Variants in OBP2B observed in about 807,000 individuals in gnomAD.
The protein encoded by OBP2B is odorant-binding protein 2b.
OBP2B carries 10 observed loss-of-function variants against 21.7 expected under a neutral mutation model. That is an observed-to-expected ratio of 0.46 (90% CI 0.28 to 0.78). OBP2B has a LOEUF of 0.78. Ranked by LOEUF, OBP2B falls within the 30% of genes least tolerant of loss-of-function variation. OBP2B has a pLI of 0.11. For missense variants in OBP2B, 153 were observed against 217.7 expected (o/e 0.70, Z 1.87); for synonymous variants, 73 against 91.5 (o/e 0.80, Z 1.16).
intron 2 of OBP2B, 41 bp from the exon 3 acceptor site, chr9:133,208,244 C>T: frequency 6.2e-7 from 1 of 1,610,744 alleles, no homozygotes; most frequent in Non-Finnish European, 8.5e-7. Context: ...TCCCAGGACA[C>T]CCATGGCCCA....
At chr9:133,207,100 G>A (rs1211375079) in intron 4 of OBP2B, 126 bp downstream of exon 4, 7 of 694,900 alleles carry the variant, frequency 1.0e-5, no homozygotes, top group African/African-American at 3.6e-5. Context: ...AGCGGTGCCC[G>A]GCACATGAAA....
chr9:133,220,013 G>T, the OBP2B span, among the ~76,000 whole-genome samples: 1 of 152,170 alleles, frequency 6.6e-6, no homozygotes, highest in African/African-American at 2.4e-5. Flanking sequence ...AAGAAACCAG[G>T]CATAAGAAAC....
intron 4 of OBP2B, 47 bp downstream of exon 4, chr9:133,207,179 G>T: frequency 7.6e-7 from 1 of 1,312,238 alleles, no homozygotes; most frequent in Non-Finnish European, 1.1e-6. Context: ...GGCTTCCAGA[G>T]GCAGAGACCG....
rs1306385101 is a variant in OBP2B, at chr9:133,209,203, C to T, written c.-4G>A. Reference sequence around the variant, plus strand: ...CACCCAGGAACAGGGTCTTCATCTCCAGAGCTCTGTGCTGCCGACCTCGGC... The same window carrying T: ...CACCCAGGAACAGGGTCTTCATCTCTAGAGCTCTGTGCTGCCGACCTCGGC... On this transcript the variant is annotated 5_prime_UTR_variant, in exon 1 of 7. Transcript: ENST00000372034. This position sits in a 1 kb window ranked among gnomAD's most constrained non-coding sequence, Gnocchi z 6.0. The T allele has an allele frequency of 1.9e-6, 3 of 1,598,740 alleles. No individual in the cohort carries two copies. Among genetic ancestry groups the T allele is most frequent in the Non-Finnish European group, 1.7e-6 (2 of 1,173,064 alleles).
chr9:133,214,524 A>G, the OBP2B span, among the ~76,000 whole-genome samples: 38 of 152,370 alleles, frequency 2.5e-4, no homozygotes, highest in Middle Eastern at 0.014. Flanking sequence ...ATCATGAGTC[A>G]TTAATCGTCT....
In OBP2B at chr9:133,207,283, T is replaced by G; in HGVS notation, c.331A>C (p.Ile111Leu). 1 of 1,613,888 alleles carries G rather than the reference T, an allele frequency of 6.2e-7. No homozygotes were observed. The highest frequency in any genetic ancestry group is 8.5e-7 in the Non-Finnish European group (1 of 1,179,864). Residue 111 changes from isoleucine (I) to leucine (L), a missense_variant, in exon 4 of 7, where the codon ATC (isoleucine) becomes CTC (leucine). Coordinates refer to ENST00000372034, the MANE Select transcript of OBP2B (RefSeq NM_014581.4). ...LQELPRRDHY[I>L]FYCKDQHHGG... ...TGGTGCTGGTCTTTGCAGTAAAAGA[T>G]GTAGTGGTCCCTCCTGGGCAGCTCC...
chr9:133,206,189 C>T, intron 5 of OBP2B, 126 bp downstream of exon 5: 3 of 1,231,866 alleles, frequency 2.4e-6, no homozygotes, highest in Non-Finnish European at 3.6e-6. Flanking sequence ...CCGGGAGCCC[C>T]TGCGAGGAGA....
chr9:133,207,694 C>G, intron 3 of OBP2B: 1 of 527,358 alleles, frequency 1.9e-6, no homozygotes, highest in Admixed American at 2.4e-5. Context: ...ATCCCTAACC[C>G]TCGGCCTCCT....
At chr9:133,218,144 T>C in the OBP2B span, among the ~76,000 whole-genome samples, 1 of 152,088 alleles carries the variant, frequency 6.6e-6, no homozygotes, top group Non-Finnish European at 1.5e-5. Context: ...ATTTAAGACA[T>C]GAAGGAAGCA....
At chr9:133,212,089 T>C (rs1833922173), upstream of OBP2B, among the ~76,000 whole-genome samples, 1 of 152,174 alleles carries the variant, frequency 6.6e-6, no homozygotes, top group African/African-American at 2.4e-5. Context: ...CAAAGACTAA[T>C]TAACAGAGAG....
At chr9:133,205,733 C>T (rs1169741065) in intron 6 of OBP2B, 184 bp downstream of exon 6, 5 of 655,250 alleles carry the variant, frequency 7.6e-6, no homozygotes, top group Non-Finnish European at 1.2e-5. Context: ...AATGATAAAA[C>T]AAAGGACTTC....
the OBP2B span, among the ~76,000 whole-genome samples, chr9:133,214,548 G>T: frequency 6.6e-6 from 1 of 152,234 alleles, no homozygotes; most frequent in African/African-American, 2.4e-5. Context: ...CAGAGGTCTG[G>T]TTTGAGTCAT....
the OBP2B span, among the ~76,000 whole-genome samples, chr9:133,214,652 T>C: frequency 6.6e-6 from 1 of 152,332 alleles, no homozygotes; most frequent in African/African-American, 2.4e-5. Flanking sequence ...TGTTTCAAAA[T>C]TGGCCCCTGG....
chr9:133,214,975 T>C, the OBP2B span, among the ~76,000 whole-genome samples: 10 of 152,338 alleles, frequency 6.6e-5, no homozygotes, highest in African/African-American at 1.9e-4. Flanking sequence ...GAAAACTGTC[T>C]GCATCTGCAG....
the OBP2B span, among the ~76,000 whole-genome samples, chr9:133,218,106 C>T: frequency 6.6e-6 from 1 of 152,218 alleles, no homozygotes; most frequent in South Asian, 2.1e-4. Flanking sequence ...TGAGGAACAG[C>T]CCCGCCAAGG....
In OBP2B at chr9:133,207,736, C is replaced by T. The variant is rs578014436; in HGVS notation, c.277+397G>A. On this transcript the variant is annotated intron_variant, in intron 3 of 6. Transcript: ENST00000372034. ...TAACCCTCAGCTTCCCGATCCCTAA[C>T]CCTTGGCCCCCGTCCCTAACCCTCA... 1.8e-3 allele frequency: 1,298 copies of T among 736,144 alleles called. 7 individuals are homozygous for T. Among genetic ancestry groups the T allele is most frequent in the South Asian group, 2.5e-3 (168 of 66,448 alleles). The allele number at this position is 736,144 out of a possible 1,614,324, so 45.6% of individuals were successfully genotyped here.
At chr9:133,208,728 T>G (rs28680505) in intron 1 of OBP2B, 126 bp from the exon 2 acceptor site, 267 of 1,480,186 alleles carry the variant, frequency 1.8e-4, no homozygotes, top group Middle Eastern at 4.9e-4. Flanking sequence ...AGGCAGGCTG[T>G]GTTCCTGCAC....
upstream of OBP2B, among the ~76,000 whole-genome samples, chr9:133,210,216 T>G (rs1461708888): frequency 6.6e-6 from 1 of 152,108 alleles, no homozygotes; most frequent in African/African-American, 2.4e-5. Context: ...ACCCTGCATT[T>G]CCCAGGTGTG....
rs375847221 is a variant in OBP2B at position 133,206,445 on chromosome 9, C to T, written c.389-29G>A. On this transcript the variant is annotated intron_variant, in intron 4 of 6. Coordinates refer to ENST00000372034, the MANE Select transcript of OBP2B (RefSeq NM_014581.4). ...CAGGTGAGGTGGCCAGGTGAGCCGA[C>T]GTGGGGACAGCGGCACGGCCCTGCA... is the stretch of plus-strand genomic sequence containing the variant. 4.3e-6 allele frequency: 7 copies of T among 1,611,172 alleles called. No individual in the cohort carries two copies. The African/African-American group carries it at 6.7e-5, about 15-fold the overall frequency.
Sources: gnomAD v4.1 joint callset for allele counts (sites outside exome capture counted in the v4.1 genomes callset) on GRCh38, gnomAD v4.1.1 for gene constraint, Gnocchi (gnomAD v3.1) non-coding constraint, MANE v1.5 for transcripts, NCBI Gene and HGNC (gene_info 2026-07-23, HGNC 2026-07-21) for gene names.